Variants in AFG1L observed in about 807,000 individuals in gnomAD.
AFG1L encodes the protein AFG1 like ATPase, also known as AFG1-like ATPase.
In AFG1L, 53 loss-of-function variants were observed where a neutral mutation model predicts 62.2. That is an observed-to-expected ratio of 0.85 (90% CI 0.68 to 1.07). The LOEUF is 1.07. AFG1L is among the 50% of genes least tolerant of loss of function. The probability of loss-of-function intolerance (pLI) is 0.00; values close to 1 mark genes in which losing one functional copy is unlikely to be tolerated. For synonymous variants in AFG1L, 228 were observed against 210.3 expected (o/e 1.08, Z -0.73); for missense variants, 555 against 590.5 (o/e 0.94, Z 0.62).
intron 6 of AFG1L, among the ~76,000 whole-genome samples, chr6:108,394,308 C>T (rs564658612): frequency 1.3e-3 from 203 of 152,042 alleles, no homozygotes; most frequent in African/African-American, 4.5e-3. Flanking sequence ...CTACTACACC[C>T]GGCTAATCTT....
intron 6 of AFG1L, among the ~76,000 whole-genome samples, chr6:108,375,217 G>T (rs1364173823): frequency 6.6e-6 from 1 of 152,174 alleles, no homozygotes; most frequent in African/African-American, 2.4e-5. Flanking sequence ...ATTAGTTCCA[G>T]GAGACTTTTG....
At chr6:108,307,343 C>T (rs1417300979) in intron 1 of AFG1L, among the ~76,000 whole-genome samples, 1 of 151,922 alleles carries the variant, frequency 6.6e-6, no homozygotes, top group African/African-American at 2.4e-5. Flanking sequence ...TATAAAAATA[C>T]TACATCATGT....
intron 6 of AFG1L, among the ~76,000 whole-genome samples, chr6:108,382,898 A>G (rs2114561258): frequency 6.6e-6 from 1 of 152,316 alleles, no homozygotes; most frequent in South Asian, 2.1e-4. Flanking sequence ...AAAATACCCT[A>G]ATATGAGAAC....
intron 5 of AFG1L, among the ~76,000 whole-genome samples, chr6:108,358,000 G>A (rs1435261178): frequency 6.6e-6 from 1 of 152,158 alleles, no homozygotes; most frequent in Non-Finnish European, 1.5e-5. Flanking sequence ...AAGACAGACT[G>A]GACTCACCTT....
chr6:108,413,490 A>C (rs532151496), intron 7 of AFG1L, among the ~76,000 whole-genome samples: 2 of 152,216 alleles, frequency 1.3e-5, no homozygotes, highest in Admixed American at 1.3e-4. Flanking sequence ...CATCACACTT[A>C]TTCCAAAATT....
intron 7 of AFG1L, among the ~76,000 whole-genome samples, chr6:108,409,791 A>G (rs1046240552): frequency 7.2e-5 from 11 of 152,216 alleles, no homozygotes; most frequent in African/African-American, 2.7e-4. Flanking sequence ...AAGATCATAT[A>G]AAATGATGCT....
intron 7 of AFG1L, among the ~76,000 whole-genome samples, chr6:108,419,890 C>A (rs1582559041): frequency 6.6e-6 from 1 of 152,102 alleles, no homozygotes; most frequent in Non-Finnish European, 1.5e-5. Context: ...TTGATTATAA[C>A]CCTTAGATAA....
chr6:108,396,654 C>T (rs1781323901), intron 6 of AFG1L, among the ~76,000 whole-genome samples: 1 of 151,996 alleles, frequency 6.6e-6, no homozygotes, highest in African/African-American at 2.4e-5. Flanking sequence ...CCACCCCCAG[C>T]TAATTTTTGT....
At chr6:108,366,416 A>T (rs1224119281) in intron 6 of AFG1L, 84 bp downstream of exon 6, 4 of 750,526 alleles carry the variant, frequency 5.3e-6, no homozygotes, top group South Asian at 4.1e-5. Flanking sequence ...AACTAAATGT[A>T]TTGTGTTAAT....
intron 7 of AFG1L, among the ~76,000 whole-genome samples, chr6:108,404,368 C>G (rs1781760193): frequency 6.6e-6 from 1 of 152,140 alleles, no homozygotes; most frequent in Non-Finnish European, 1.5e-5. Flanking sequence ...TAATTCACCA[C>G]AGAAGCTTGT....
At chr6:108,442,331 TTCTTC>T (rs1310993947) in intron 7 of AFG1L, among the ~76,000 whole-genome samples, 1 of 152,076 alleles carries the variant, frequency 6.6e-6, no homozygotes, top group Non-Finnish European at 1.5e-5. Flanking sequence ...TATATCTCTT[TTCTTC>T]TCAAGAAGTA....
intron 7 of AFG1L, among the ~76,000 whole-genome samples, chr6:108,411,390 T>C (rs981148079): frequency 6.6e-6 from 1 of 152,154 alleles, no homozygotes; most frequent in African/African-American, 2.4e-5. Flanking sequence ...AAAGTCCCTG[T>C]CTGACAGCTT....
intron 7 of AFG1L, among the ~76,000 whole-genome samples, chr6:108,426,281 A>G (rs1770813397): frequency 1.3e-5 from 2 of 152,096 alleles, no homozygotes; most frequent in African/African-American, 2.4e-5. Flanking sequence ...AGAAGAAAAA[A>G]TCTTGTGGGT....
chr6:108,347,393 G>A (rs1172678517), intron 3 of AFG1L, among the ~76,000 whole-genome samples: 4 of 152,144 alleles, frequency 2.6e-5, no homozygotes, highest in Non-Finnish European at 5.9e-5. Flanking sequence ...AAAAAAATAA[G>A]CTGTTCTTTT....
At chr6:108,402,979 GCCT>G (rs1236424156) in intron 7 of AFG1L, among the ~76,000 whole-genome samples, 1 of 151,896 alleles carries the variant, frequency 6.6e-6, no homozygotes, top group Non-Finnish European at 1.5e-5. Context: ...GAATAAAATA[GCCT>G]CCTTTTTTAC....
Position 108,358,566 on chromosome 6 carries a change from C to T in AFG1L, c.648+1746C>T, listed in dbSNP as rs139870738. On this transcript the variant is annotated intron_variant, in intron 5 of 12. Transcript: ENST00000368977. ...ATTTTTTTTGAGATGGAGTTTCACT[C>T]TTGTTGCCTAGACTGGAATGCAATG... Among the ~76,000 whole-genome samples the T allele has an allele frequency of 9.8e-3, 1,487 of 152,186 alleles. 18 individuals carry two copies. The highest frequency in any genetic ancestry group is 0.033 in the African/African-American group (1,384 of 41,528).
intron 11 of AFG1L, among the ~76,000 whole-genome samples, chr6:108,510,816 A>G (rs2114898752): frequency 6.6e-6 from 1 of 152,292 alleles, no homozygotes; most frequent in Admixed American, 6.5e-5. Context: ...GTGATGGCTC[A>G]TGCCTATCAT....
chr6:108,462,334 G>T (rs1204442282), intron 8 of AFG1L, among the ~76,000 whole-genome samples: 1 of 151,824 alleles, frequency 6.6e-6, no homozygotes, highest in African/African-American at 2.4e-5. Context: ...AACCCAGGAG[G>T]TCGAGGATGT....
intron 5 of AFG1L, chr6:108,359,643 A>G (rs1195732301): frequency 6.6e-6 from 1 of 152,284 alleles, no homozygotes; most frequent in African/African-American, 2.4e-5. Context: ...CTAATCCACA[A>G]TCTCCTCAGC....
Sources: gnomAD v4.1 joint callset for allele counts (sites outside exome capture counted in the v4.1 genomes callset) on GRCh38, gnomAD v4.1.1 for gene constraint, MANE v1.5 for transcripts, NCBI Gene and HGNC (gene_info 2026-07-23, HGNC 2026-07-21) for gene names.